Variants in CNTN5 observed in about 807,000 individuals in gnomAD.
CNTN5 encodes contactin-5.
Under a neutral mutation model 129.1 loss-of-function variants are expected in CNTN5, and 77 were observed. The observed-to-expected ratio is 0.60, with a 90% CI of 0.50 to 0.72. The LOEUF (loss-of-function observed/expected upper bound fraction) is 0.72. CNTN5 is among the 30% of genes least tolerant of loss of function. The pLI, the probability that CNTN5 is intolerant of heterozygous loss-of-function variation, is 0.00. For missense variants in CNTN5, 1,478 were observed against 1,328.8 expected (o/e 1.11, Z -1.75); for synonymous variants, 509 against 465.6 (o/e 1.09, Z -1.20).
chr11:99,108,737 C>T (rs1024863684), intron 1 of CNTN5, among the ~76,000 whole-genome samples: 1 of 151,776 alleles, frequency 6.6e-6, no homozygotes, highest in African/African-American at 2.4e-5. Flanking sequence ...TTAACATTGA[C>T]AACTTTTATA....
chr11:99,942,718 C>A (rs938015256), intron 7 of CNTN5, among the ~76,000 whole-genome samples: 1 of 152,010 alleles, frequency 6.6e-6, no homozygotes, highest in Non-Finnish European at 1.5e-5. Context: ...TGGTGTCCCC[C>A]TCCCTATGTC....
chr11:100,211,048 G>A (rs1565345190), intron 15 of CNTN5, among the ~76,000 whole-genome samples: 2 of 152,218 alleles, frequency 1.3e-5, no homozygotes, highest in South Asian at 2.1e-4. Context: ...CATAAAGCTC[G>A]AATCAAACCT....
intron 1 of CNTN5, among the ~76,000 whole-genome samples, chr11:99,232,210 A>G (rs1320768107): frequency 6.6e-6 from 1 of 152,106 alleles, no homozygotes; most frequent in Non-Finnish European, 1.5e-5. Context: ...GTTTAATGGG[A>G]ATCGCACTGA....
chr11:99,711,995 C>G (rs1389621576), intron 3 of CNTN5, among the ~76,000 whole-genome samples: 1 of 151,828 alleles, frequency 6.6e-6, no homozygotes. Flanking sequence ...GGGTATATAC[C>G]CAGTAATATA....
Position 100,076,319 on chromosome 11 carries a change from A to G in CNTN5, c.1580+2025A>G, listed in dbSNP as rs899541394. Among the ~76,000 whole-genome samples the G allele has an allele frequency of 4.3e-4, 66 of 152,038 alleles. 1 individual carries two copies. The highest frequency in any genetic ancestry group is 1.5e-3 in the Admixed American group (23 of 15,238). On this transcript the variant is annotated intron_variant, in intron 13 of 24. Coordinates refer to ENST00000524871, the MANE Select transcript of CNTN5 (RefSeq NM_014361.4). ...CTGGGTGGCATGTGAGTTTTGTCCT[A>G]TTTATTTCAGTTCACAATAAGAATG...
Position 99,373,157 on chromosome 11 carries a change from C to T in CNTN5, c.-71+47673C>T, listed in dbSNP as rs914649580. On this transcript the variant is annotated intron_variant, in intron 2 of 24. Transcript: ENST00000524871. ...CCTGGAGGCCGAGGTTGCAGTGAGC[C>T]GAGATCGCACCATTGCACTCCAGCC... Among the ~76,000 whole-genome samples, 7 of 152,000 alleles carry T rather than the reference C, an allele frequency of 4.6e-5. No homozygotes were observed. The South Asian group carries it at 6.2e-4, about 14-fold the overall frequency.
chr11:99,944,900 T>G (rs7125854), intron 7 of CNTN5, among the ~76,000 whole-genome samples: 1 of 151,928 alleles, frequency 6.6e-6, no homozygotes, highest in African/African-American at 2.4e-5. Flanking sequence ...CTTAAAACCT[T>G]CTTTGAGGCA....
At chr11:99,245,127 T>C (rs1409171905) in intron 1 of CNTN5, among the ~76,000 whole-genome samples, 3 of 152,196 alleles carry the variant, frequency 2.0e-5, no homozygotes, top group Non-Finnish European at 2.9e-5. Flanking sequence ...ACACACTCTT[T>C]ATTGCTTCAC....
At chr11:100,257,196 G>A (rs752768355) in intron 17 of CNTN5, among the ~76,000 whole-genome samples, 19 of 152,130 alleles carry the variant, frequency 1.2e-4, no homozygotes, top group African/African-American at 3.4e-4. Context: ...AGAGCCCACC[G>A]CAGCTCAGCA....
chr11:99,312,516 T>C (rs936268811), intron 1 of CNTN5, among the ~76,000 whole-genome samples: 1 of 152,168 alleles, frequency 6.6e-6, no homozygotes, highest in Non-Finnish European at 1.5e-5. Flanking sequence ...GTTTCTGCTA[T>C]AATATCCTTC....
At chr11:99,614,840 C>G (rs1289918317) in intron 3 of CNTN5, among the ~76,000 whole-genome samples, 1 of 152,076 alleles carries the variant, frequency 6.6e-6, no homozygotes, top group Admixed American at 6.5e-5. Context: ...CAAAGCACAA[C>G]CTATAAAGAA....
chr11:100,180,996 GTTTC>G (rs1948124062), intron 13 of CNTN5, among the ~76,000 whole-genome samples: 1 of 151,958 alleles, frequency 6.6e-6, no homozygotes, highest in Non-Finnish European at 1.5e-5. Context: ...CATTTTGGCT[GTTTC>G]TTACGAAACT....
At chr11:99,209,699 T>C (rs1387668963) in intron 1 of CNTN5, among the ~76,000 whole-genome samples, 1 of 152,132 alleles carries the variant, frequency 6.6e-6, no homozygotes, top group Non-Finnish European at 1.5e-5. Flanking sequence ...ATATCATGAA[T>C]AGACAGTCAT....
intron 3 of CNTN5, among the ~76,000 whole-genome samples, chr11:99,619,645 G>T (rs981132133): frequency 2.0e-5 from 3 of 152,000 alleles, no homozygotes; most frequent in Admixed American, 6.6e-5. Context: ...CTCTGTGATC[G>T]AGGCCTAGTA....
At chr11:99,897,382 T>G (rs1419547980) in intron 6 of CNTN5, among the ~76,000 whole-genome samples, 2 of 152,104 alleles carry the variant, frequency 1.3e-5, no homozygotes, top group African/African-American at 4.8e-5. Context: ...AGAAAAAATG[T>G]TAAAGGCGGC....
intron 1 of CNTN5, among the ~76,000 whole-genome samples, chr11:99,129,156 G>A (rs1247517124): frequency 6.6e-6 from 1 of 152,158 alleles, no homozygotes; most frequent in Non-Finnish European, 1.5e-5. Context: ...AAACTTCGCT[G>A]AACTAAAGGA....
intron 3 of CNTN5, among the ~76,000 whole-genome samples, chr11:99,655,358 T>C (rs369467385): frequency 6.6e-6 from 1 of 152,130 alleles, no homozygotes; most frequent in South Asian, 2.1e-4. Context: ...TACTAAGTTA[T>C]GATTATATTT....
At position 100,195,981 on chromosome 11, in the gene CNTN5, G is replaced by C. The variant is rs576178462; in HGVS notation, c.1884+2318G>C. ...CTGGGCTTGTGGATACCTTCTTTCT[G>C]TGAGACCAAGGACAGACTGTGGGAG... On this transcript the variant is annotated intron_variant, in intron 15 of 24. Transcript: ENST00000524871. Among the ~76,000 whole-genome samples, 18 of 152,050 alleles carry C rather than the reference G, an allele frequency of 1.2e-4. No homozygotes were observed. The South Asian group carries it at 3.7e-3, about 31-fold the overall frequency.
intron 1 of CNTN5, among the ~76,000 whole-genome samples, chr11:99,194,142 A>G (rs375911272): frequency 2.6e-5 from 4 of 152,194 alleles, no homozygotes; most frequent in Non-Finnish European, 1.5e-5. Context: ...AGAATTCATA[A>G]ATGAAAAATA....
Sources: allele counts gnomAD v4.1 joint callset (sites outside exome capture counted in the v4.1 genomes callset), GRCh38; gene constraint gnomAD v4.1.1; transcripts MANE v1.5; gene names NCBI Gene and HGNC (gene_info 2026-07-23, HGNC 2026-07-21).